PITPNM3: variants seen among roughly 807,000 people sequenced by gnomAD.
The protein encoded by PITPNM3 is membrane-associated phosphatidylinositol transfer protein 3.
In PITPNM3, 26 loss-of-function variants were observed where a neutral mutation model predicts 102.0. That is an observed-to-expected ratio of 0.25 (90% CI 0.19 to 0.35). The LOEUF is 0.35. Ranked by LOEUF, PITPNM3 falls within the 10% of genes least tolerant of loss-of-function variation. The pLI is 1.00. For synonymous variants in PITPNM3, 578 were observed against 558.6 expected, an observed-to-expected ratio of 1.03 and a Z score of -0.49; for missense variants, 1,083 against 1,346.1, an observed-to-expected ratio of 0.80 and a Z score of 3.06.
rs75573317 is a variant in PITPNM3 at position 6,505,598 on chromosome 17, G to C, written c.227-2024C>G. Among the ~76,000 whole-genome samples the C allele has an allele frequency of 8.2e-3, 1,248 of 152,350 alleles. 12 individuals carry two copies. The highest frequency in any genetic ancestry group is 0.014 in the Non-Finnish European group (946 of 68,036). On this transcript the variant is annotated intron_variant, in intron 3 of 19. Transcript: ENST00000262483. ...GACCCAGTATCCAATACACAGGTCA[G>C]GGAGCGAAGACCAGCACCATGTCTG...
intron 17 of PITPNM3, among the ~76,000 whole-genome samples, chr17:6,463,490 G>T (rs938763824): frequency 4.0e-5 from 6 of 151,666 alleles, no homozygotes; most frequent in African/African-American, 1.5e-4. Flanking sequence ...AGGGAGGGAG[G>T]AAGGAAGTGA....
At chr17:6,538,555 G>A (rs1909567838) in intron 1 of PITPNM3, among the ~76,000 whole-genome samples, 1 of 152,336 alleles carries the variant, frequency 6.6e-6, no homozygotes, top group Non-Finnish European at 1.5e-5. Context: ...TTCTGGCCAA[G>A]CAGGGGAGAA....
chr17:6,528,710 C>T (rs1450520778), intron 2 of PITPNM3, among the ~76,000 whole-genome samples: 1 of 152,052 alleles, frequency 6.6e-6, no homozygotes, highest in Non-Finnish European at 1.5e-5. Flanking sequence ...CTCTGTGCAC[C>T]CTCCCAACTC....
chr17:6,548,033 C>G (rs1277087445), intron 1 of PITPNM3, among the ~76,000 whole-genome samples: 4 of 152,128 alleles, frequency 2.6e-5, no homozygotes, highest in African/African-American at 9.7e-5. Context: ...TGGCTGGGGT[C>G]TCTTTCAAAG....
rs1301483722 is a variant in PITPNM3 at position 6,474,470 on chromosome 17, A to T, written c.1220T>A (p.Val407Asp). The T allele has an allele frequency of 6.2e-7, 1 of 1,613,488 alleles. No individual in the cohort carries two copies. Among genetic ancestry groups the T allele is most frequent in the East Asian group, 2.2e-5 (1 of 44,874 alleles). The change falls in exon 10 of 20, where the codon GTC (valine) becomes GAC (aspartate). Residue 407 changes from valine to aspartate, a missense_variant. Physicochemically the swap from Val to Asp is radical, Grantham distance 152 (BLOSUM62 -3). Transcript: ENST00000262483. ...CAGCACCGTCCTCCGCATGGCCAGGACCAGGCCCAGTGGCGAGCCGAAGAG... is the reference window on the plus strand; with the variant it reads ...CAGCACCGTCCTCCGCATGGCCAGGTCCAGGCCCAGTGGCGAGCCGAAGAG... ...FFLFGSPLGLVLAMRRTVLPG... is the reference protein window; with the variant it reads ...FFLFGSPLGLDLAMRRTVLPG...
chr17:6,519,256 G>C (rs1488534774), intron 3 of PITPNM3, among the ~76,000 whole-genome samples: 16 of 55,372 alleles, frequency 2.9e-4, no homozygotes, highest in Admixed American at 6.4e-4. Context: ...AGAATGGCGT[G>C]AACCCGGGAG....
rs1463125314 is a variant in PITPNM3 at position 6,472,535 on chromosome 17, C to A, written c.1429+122G>T. The A allele has an allele frequency of 4.5e-6, 6 of 1,330,570 alleles. No homozygotes were observed. The highest frequency in any genetic ancestry group is 2.6e-4 in the Middle Eastern group (1 of 3,866). The allele number at this position is 1,330,570 out of a possible 1,614,324, so 82.4% of individuals were successfully genotyped here. A position where few individuals can be genotyped will look rare whatever the true frequency, so the allele number is the denominator to read the frequency against. On this transcript the variant is annotated intron_variant, in intron 11 of 19. Coordinates refer to ENST00000262483, the MANE Select transcript of PITPNM3 (RefSeq NM_031220.4). This position sits in a 1 kb window ranked among gnomAD's most constrained non-coding sequence, Gnocchi z 4.1. ...CTCTGAAGACAGAGGAGTCGGCTAACCTTCTGTTCTCACAGCCCCTGCTCA... is the reference window on the plus strand; with the variant it reads ...CTCTGAAGACAGAGGAGTCGGCTAAACTTCTGTTCTCACAGCCCCTGCTCA...
intron 8 of PITPNM3, among the ~76,000 whole-genome samples, chr17:6,477,637 C>T (rs1049833501): frequency 5.9e-5 from 9 of 152,336 alleles, no homozygotes; most frequent in African/African-American, 1.7e-4. Context: ...ACTCCACCTC[C>T]TGGGTTCAAG....
chr17:6,476,759 C>G (rs1028440141), intron 9 of PITPNM3, among the ~76,000 whole-genome samples: 1 of 152,198 alleles, frequency 6.6e-6, no homozygotes, highest in African/African-American at 2.4e-5. Context: ...AGAAGAAAAG[C>G]CGAGGCTCAG....
Position 6,470,199 on chromosome 17 carries a change from G to A in PITPNM3, c.1773+61C>T. 4 of 1,510,762 alleles carry A rather than the reference G, an allele frequency of 2.6e-6. No homozygotes were observed. Among genetic ancestry groups the A allele is most frequent in the Non-Finnish European group, 2.7e-6 (3 of 1,112,052 alleles). The allele number at this position is 1,510,762 out of a possible 1,614,324, so 93.6% of individuals were successfully genotyped here. On this transcript the variant is annotated intron_variant, in intron 13 of 19. Transcript: ENST00000262483. The surrounding 1 kb of genome is among the most constrained non-coding windows in gnomAD (Gnocchi z 4.8). The stretch of plus-strand genomic sequence containing the variant: ...GCAAGAATAGCCTCCTCTCCAGCTG[G>A]AGAAGGGGCGGTACCCCCTTGGGGT...
intron 9 of PITPNM3, 79 bp from the exon 10 acceptor site, chr17:6,474,683 C>G: frequency 1.4e-6 from 2 of 1,470,082 alleles, no homozygotes; most frequent in South Asian, 1.3e-5. Context: ...AGCAGCGCAG[C>G]CTGAATTCTG....
At chr17:6,477,406 A>T (rs1905372650) in intron 8 of PITPNM3, among the ~76,000 whole-genome samples, 193 bp from the exon 9 acceptor site, 1 of 152,158 alleles carries the variant, frequency 6.6e-6, no homozygotes, top group Admixed American at 6.5e-5. Context: ...TCCCGCATCC[A>T]CCGGGATTGA....
Position 6,478,328 on chromosome 17 carries a change from T to A in PITPNM3, c.777+219A>T, listed in dbSNP as rs1427888615. Among the ~76,000 whole-genome samples the A allele has an allele frequency of 1.3e-5, 2 of 152,256 alleles. No homozygotes were observed. Among genetic ancestry groups the A allele is most frequent in the African/African-American group, 4.8e-5 (2 of 41,474 alleles). On this transcript the variant is annotated intron_variant, in intron 7 of 19. Coordinates refer to ENST00000262483, the MANE Select transcript of PITPNM3 (RefSeq NM_031220.4). The surrounding 1 kb of genome is among the most constrained non-coding windows in gnomAD (Gnocchi z 4.4). ...CTACTCTCAGGGGTCAGACTTGGGC[T>A]AGAGAGCAGCATGGGCTCAGAATCA...
rs1000616027 is a variant in PITPNM3, at chr17:6,455,250, C to G, written c.*88G>C. ...ACGGGAGGGAAAAAGCAGGAAAACG[C>G]CTGTGTCGGGGAGAGGGCAGCCCCC... On this transcript the variant is annotated 3_prime_UTR_variant, in exon 20 of 20. Transcript: ENST00000262483. 220 of 1,443,194 alleles carry G rather than the reference C, an allele frequency of 1.5e-4. No individual in the cohort carries two copies. The highest frequency in any genetic ancestry group is 1.9e-4 in the Non-Finnish European group (209 of 1,082,610). The allele number at this position is 1,443,194 out of a possible 1,614,324, so 89.4% of individuals were successfully genotyped here.
In PITPNM3 at chr17:6,455,357, T is replaced by C. The variant is rs1307004606; in HGVS notation, c.2906A>G (p.Lys969Arg). The C allele has an allele frequency of 7.0e-6, 11 of 1,582,644 alleles. No homozygotes were observed. The highest frequency in any genetic ancestry group is 2.7e-5 in the African/African-American group (2 of 74,010). ...CACCCCTCAGGGCACCGACTCGAACTTGGGGGGCCCACGCGCCCAGCTGAG... is the reference window on the plus strand; with the variant it reads ...CACCCCTCAGGGCACCGACTCGAACCTGGGGGGCCCACGCGCCCAGCTGAG... ...PALSWARGPP[K>R]FESVP The change falls in exon 20 of 20, where the codon AAG becomes AGG. Residue 969 changes from lysine (K) to arginine (R), a missense_variant. Coordinates refer to ENST00000262483, the MANE Select transcript of PITPNM3 (RefSeq NM_031220.4).
intron 1 of PITPNM3, among the ~76,000 whole-genome samples, chr17:6,542,811 T>C (rs1383830693): frequency 6.6e-6 from 1 of 152,212 alleles, no homozygotes; most frequent in African/African-American, 2.4e-5. Context: ...CAGAGCTCTA[T>C]CTGTGTCCTC....
Position 6,454,323 on chromosome 17 carries a change from T to A in PITPNM3, c.*1015A>T, listed in dbSNP as rs1913987382. On this transcript the variant is annotated 3_prime_UTR_variant, in exon 20 of 20. Transcript: ENST00000262483. ...ACCTCTCCGTGGAGTAGGGATCCCT[T>A]CCCAGCCCACCCAGAGAGGCTCCTT... The A allele has an allele frequency of 1.3e-5, 2 of 152,046 alleles. No individual in the cohort carries two copies. The highest frequency in any genetic ancestry group is 6.5e-5 in the Admixed American group (1 of 15,268). The allele number at this position is 152,046 out of a possible 1,614,324, so 9.4% of individuals were successfully genotyped here. A position where few individuals can be genotyped will look rare whatever the true frequency, so the allele number is the denominator to read the frequency against.
Position 6,478,684 on chromosome 17 carries a change from C to T in PITPNM3, c.640G>A (p.Val214Ile), listed in dbSNP as rs763033856. ...EGCLSSSQDH[V>I]PLAALPLLAI... ...AACAGGGGAAGGGCGGCCAGAGGGA[C>T]GTGGTCCTGGCTGCTGCTGAGGCAG... The change falls in exon 7 of 20, where the codon GTC (valine) becomes ATC (isoleucine). Residue 214 changes from valine (V) to isoleucine (I), a missense_variant. By Grantham distance (29) the Val-to-Ile change is conservative. Coordinates refer to ENST00000262483, the MANE Select transcript of PITPNM3 (RefSeq NM_031220.4). This position sits in a 1 kb window ranked among gnomAD's most constrained non-coding sequence, Gnocchi z 4.4. 15 of 1,608,872 alleles carry T rather than the reference C, an allele frequency of 9.3e-6. No homozygotes were observed. Among genetic ancestry groups the T allele is most frequent in the Middle Eastern group, 1.6e-4 (1 of 6,078 alleles).
At chr17:6,474,221 T>C (rs963072874) in intron 10 of PITPNM3, among the ~76,000 whole-genome samples, 2 of 152,018 alleles carry the variant, frequency 1.3e-5, no homozygotes, top group African/African-American at 2.4e-5. Flanking sequence ...GTGAAATCCA[T>C]CTGAAGCTGC....
Sources: allele counts gnomAD v4.1 joint callset (sites outside exome capture counted in the v4.1 genomes callset), GRCh38; gene constraint gnomAD v4.1.1; non-coding constraint Gnocchi (gnomAD v3.1); transcripts MANE v1.5; gene names NCBI Gene and HGNC (gene_info 2026-07-23, HGNC 2026-07-21).